Variants in EIPR1 observed in about 807,000 individuals in gnomAD.
EIPR1 encodes the protein EARP and GARP complex-interacting protein 1.
In EIPR1, 25 loss-of-function variants were observed where a neutral mutation model predicts 48.1. The observed-to-expected ratio is 0.52, with a 90% CI of 0.38 to 0.73. EIPR1 has a LOEUF of 0.73. Ranked by LOEUF, EIPR1 falls within the 30% of genes least tolerant of loss-of-function variation. The pLI is 0.00. For synonymous variants in EIPR1, 204 were observed against 201.9 expected, an observed-to-expected ratio of 1.01 and a Z score of -0.09; for missense variants, 415 against 506.2, an observed-to-expected ratio of 0.82 and a Z score of 1.73.
chr2:3,227,677 C>G (rs1264432001), intron 4 of EIPR1, among the ~76,000 whole-genome samples: 1 of 152,236 alleles, frequency 6.6e-6, no homozygotes, highest in Non-Finnish European at 1.5e-5. Flanking sequence ...GCTCCCATCA[C>G]AGGCCCAGAG....
intron 4 of EIPR1, among the ~76,000 whole-genome samples, chr2:3,234,560 G>C (rs937118643): frequency 1.3e-5 from 2 of 152,246 alleles, no homozygotes; most frequent in Non-Finnish European, 2.9e-5. Context: ...GGCTGCCAGA[G>C]CCCAGGGCCG....
intron 4 of EIPR1, among the ~76,000 whole-genome samples, chr2:3,228,986 C>T (rs2368683): frequency 0.91 from 139,184 of 152,228 alleles, 64,120 homozygotes; most frequent in East Asian, 0.98. Flanking sequence ...GACTAATATA[C>T]CCTAGTCAAA....
Position 3,366,388 on chromosome 2 carries a change from T to C in EIPR1, c.42+11260A>G, listed in dbSNP as rs975436164. Among the ~76,000 whole-genome samples, 6 of 151,894 alleles carry C rather than the reference T, an allele frequency of 4.0e-5. No homozygotes were observed. The South Asian group carries it at 6.2e-4, about 16-fold the overall frequency. On this transcript the variant is annotated intron_variant, in intron 1 of 8. Coordinates refer to ENST00000382125, the MANE Select transcript of EIPR1 (RefSeq NM_003310.5). The stretch of plus-strand genomic sequence containing the variant: ...ATATGGCAAGACAACCCAAGACAAA[T>C]AGACGGAAATTAAAACTTCCAGCAC...
chr2:3,316,941 G>C (rs972896671), intron 3 of EIPR1, among the ~76,000 whole-genome samples: 31 of 152,276 alleles, frequency 2.0e-4, no homozygotes, highest in Admixed American at 3.3e-4. Context: ...CAGAAATAGT[G>C]CATGTGTGAG....
intron 4 of EIPR1, among the ~76,000 whole-genome samples, chr2:3,226,705 TG>T (rs1243315974): frequency 2.0e-5 from 3 of 152,366 alleles, no homozygotes; most frequent in African/African-American, 7.2e-5. Context: ...TGATAAGGTT[TG>T]GCTTGGTGTT....
chr2:3,304,187 C>T (rs112070725), intron 3 of EIPR1, among the ~76,000 whole-genome samples: 3 of 152,268 alleles, frequency 2.0e-5, no homozygotes, highest in Non-Finnish European at 2.9e-5. Flanking sequence ...CGGAGCGCCA[C>T]GCAAGGCTGC....
At chr2:3,318,204 G>A (rs190443664) in intron 3 of EIPR1, among the ~76,000 whole-genome samples, 12 of 152,356 alleles carry the variant, frequency 7.9e-5, no homozygotes, top group Admixed American at 7.2e-4. Context: ...CCACACATGT[G>A]GGGTTGAGGG....
At chr2:3,339,067 G>A (rs1439639678) in intron 2 of EIPR1, among the ~76,000 whole-genome samples, 3 of 152,166 alleles carry the variant, frequency 2.0e-5, no homozygotes, top group African/African-American at 2.4e-5. Context: ...ATATTGTGAC[G>A]CCATTTGGTG....
At chr2:3,313,567 G>A (rs1255991179) in intron 3 of EIPR1, among the ~76,000 whole-genome samples, 1 of 152,144 alleles carries the variant, frequency 6.6e-6, no homozygotes, top group Non-Finnish European at 1.5e-5. Context: ...CTTCGAGAAG[G>A]TCCACAAATT....
intron 6 of EIPR1, among the ~76,000 whole-genome samples, chr2:3,195,293 G>A (rs1033039082): frequency 2.0e-5 from 3 of 152,208 alleles, no homozygotes; most frequent in East Asian, 1.9e-4. Flanking sequence ...TGCCGTGGGC[G>A]GGACTGAAAT....
chr2:3,282,988 T>A (rs114107879), intron 3 of EIPR1, among the ~76,000 whole-genome samples: 2,531 of 152,350 alleles, frequency 0.017, 75 homozygotes, highest in African/African-American at 0.058. Flanking sequence ...CCTGAATACC[T>A]AGGGGTGATC....
chr2:3,305,022 CCTGT>C (rs1668887118), intron 3 of EIPR1, among the ~76,000 whole-genome samples: 13 of 119,200 alleles, frequency 1.1e-4, no homozygotes, highest in African/African-American at 3.8e-4. Context: ...ACCCTCCACT[CCTGT>C]CCAGTTCAAC....
At chr2:3,274,437 G>A in intron 3 of EIPR1, 1 of 1,549,642 alleles carries the variant, frequency 6.5e-7, no homozygotes. Context: ...AAAAGTCAGG[G>A]CAGAACTGTT....
At chr2:3,231,420 T>C (rs1268571277) in intron 4 of EIPR1, among the ~76,000 whole-genome samples, 2 of 152,240 alleles carry the variant, frequency 1.3e-5, no homozygotes, top group Non-Finnish European at 2.9e-5. Context: ...GTCTTGTTCC[T>C]GATATTATAA....
At chr2:3,253,464 C>A (rs1667063932) in intron 4 of EIPR1, among the ~76,000 whole-genome samples, 1 of 152,196 alleles carries the variant, frequency 6.6e-6, no homozygotes, top group Non-Finnish European at 1.5e-5. Context: ...TTGGTGGACA[C>A]CATGTAGAGG....
chr2:3,206,131 C>A (rs1027823300), intron 5 of EIPR1, among the ~76,000 whole-genome samples: 1 of 152,176 alleles, frequency 6.6e-6, no homozygotes, highest in South Asian at 2.1e-4. Context: ...GGAAGAGGAT[C>A]TTGGGAGGGC....
At position 3,243,172 on chromosome 2, in the gene EIPR1, T is replaced by C. The variant is rs530000009; in HGVS notation, c.416+14127A>G. ...CAACCAAATAACCCCGTTTAAAGTC[T>C]GACAGAAAGCAAAAGGAAGATACGG... On this transcript the variant is annotated intron_variant, in intron 4 of 8. Transcript: ENST00000382125. Among the ~76,000 whole-genome samples the C allele has an allele frequency of 2.6e-5, 4 of 152,304 alleles. No homozygotes were observed. The East Asian group carries it at 7.7e-4, about 29-fold the overall frequency.
chr2:3,307,230 G>A (rs187550523), intron 3 of EIPR1, among the ~76,000 whole-genome samples: 5 of 152,272 alleles, frequency 3.3e-5, no homozygotes, highest in Non-Finnish European at 7.4e-5. Context: ...CCAAAGTGCT[G>A]GGATTACAGG....
At chr2:3,313,370 AG>A (rs201811132) in intron 3 of EIPR1, among the ~76,000 whole-genome samples, 3 of 152,108 alleles carry the variant, frequency 2.0e-5, no homozygotes, top group Non-Finnish European at 2.9e-5. Flanking sequence ...GAGTTAAAAA[AG>A]TGGGTGGGGG....
Sources: allele counts gnomAD v4.1 joint callset (sites outside exome capture counted in the v4.1 genomes callset), GRCh38; gene constraint gnomAD v4.1.1; transcripts MANE v1.5; gene names NCBI Gene and HGNC (gene_info 2026-07-23, HGNC 2026-07-21).